ITCH: variants seen among roughly 807,000 people sequenced by gnomAD.
ITCH encodes the protein itchy E3 ubiquitin protein ligase.
Under a neutral mutation model 126.8 loss-of-function variants are expected in ITCH, and 28 were observed. That is an observed-to-expected ratio of 0.22 (90% CI 0.16 to 0.30). The LOEUF (loss-of-function observed/expected upper bound fraction) is 0.30. ITCH is among the 10% of genes least tolerant of loss of function. The pLI, the probability that ITCH is intolerant of heterozygous loss-of-function variation, is 1.00. For synonymous variants in ITCH, 342 were observed against 340.0 expected (o/e 1.01, Z -0.06); for missense variants, 631 against 1,032.4 (o/e 0.61, Z 5.33).
intron 9 of ITCH, among the ~76,000 whole-genome samples, chr20:34,441,213 A>G (rs1364638642): frequency 6.6e-6 from 1 of 152,094 alleles, no homozygotes; most frequent in Non-Finnish European, 1.5e-5. Context: ...CAGAGGTTGC[A>G]TTGAGCCAAG....
chr20:34,482,337 A>G (rs905770273), intron 20 of ITCH, among the ~76,000 whole-genome samples: 3 of 152,240 alleles, frequency 2.0e-5, no homozygotes, highest in African/African-American at 7.2e-5. Flanking sequence ...CTCATCTGGG[A>G]CAAGGGAAGT....
At chr20:34,488,743 AAG>A (rs890612972) in intron 20 of ITCH, among the ~76,000 whole-genome samples, 4 of 152,136 alleles carry the variant, frequency 2.6e-5, no homozygotes, top group East Asian at 3.8e-4. Context: ...AAGAAAAAAA[AAG>A]AAATTATATG....
chr20:34,409,967 G>A (rs1329527702), intron 4 of ITCH, among the ~76,000 whole-genome samples: 1 of 151,706 alleles, frequency 6.6e-6, no homozygotes, highest in African/African-American at 2.4e-5. Flanking sequence ...GAGTTCAAAG[G>A]TGCAGTTTGA....
chr20:34,375,358 TA>T (rs1279905059), intron 2 of ITCH, among the ~76,000 whole-genome samples: 4 of 149,966 alleles, frequency 2.7e-5, no homozygotes, highest in Non-Finnish European at 5.9e-5. Flanking sequence ...TTTTTTTTTT[TA>T]ATGGAGGTAA....
At chr20:34,443,831 AAG>A (rs1984085853) in intron 10 of ITCH, among the ~76,000 whole-genome samples, 1 of 151,946 alleles carries the variant, frequency 6.6e-6, no homozygotes. Context: ...TAGAAAGAAA[AAG>A]AAATTAGCTG....
intron 12 of ITCH, among the ~76,000 whole-genome samples, chr20:34,450,286 T>C (rs1424510059): frequency 6.6e-6 from 1 of 152,194 alleles, no homozygotes; most frequent in East Asian, 1.9e-4. Context: ...TAATAATTAA[T>C]TCAAAATAAA....
intron 5 of ITCH, 35 bp from the exon 6 acceptor site, chr20:34,413,707 G>A: frequency 3.8e-6 from 6 of 1,587,036 alleles, no homozygotes; most frequent in Non-Finnish European, 5.1e-6. Flanking sequence ...TGGGAAAAAA[G>A]TGACCATTTT....
intron 7 of ITCH, among the ~76,000 whole-genome samples, chr20:34,432,668 T>C (rs1982465653): frequency 6.6e-6 from 1 of 152,164 alleles, no homozygotes; most frequent in South Asian, 2.1e-4. Context: ...AAAACTATTT[T>C]TTAGGGCCAG....
intron 11 of ITCH, among the ~76,000 whole-genome samples, chr20:34,448,125 C>A (rs977648822): frequency 6.6e-6 from 1 of 152,180 alleles, no homozygotes; most frequent in African/African-American, 2.4e-5. Context: ...CGCGGTGGCT[C>A]ACACCTGTAC....
chr20:34,382,398 T>C (rs2038097787), intron 2 of ITCH, among the ~76,000 whole-genome samples: 1 of 152,188 alleles, frequency 6.6e-6, no homozygotes, highest in Admixed American at 6.6e-5. Flanking sequence ...ACTTTCAGTT[T>C]ACTTGATAAT....
chr20:34,419,903 A>C (rs765024727), intron 6 of ITCH, among the ~76,000 whole-genome samples: 1 of 152,182 alleles, frequency 6.6e-6, no homozygotes, highest in Non-Finnish European at 1.5e-5. Flanking sequence ...TTTTATATCA[A>C]AGGACATTTG....
intron 2 of ITCH, among the ~76,000 whole-genome samples, chr20:34,391,289 C>T (rs970846519): frequency 2.6e-5 from 4 of 152,166 alleles, no homozygotes; most frequent in Non-Finnish European, 5.9e-5. Flanking sequence ...AGGTGCCCTC[C>T]TCCTGAATGG....
intron 20 of ITCH, among the ~76,000 whole-genome samples, chr20:34,483,088 C>T (rs2146481119): frequency 6.6e-6 from 1 of 152,278 alleles, no homozygotes; most frequent in Middle Eastern, 3.4e-3. Context: ...CCCTAGAGTG[C>T]ACACAGCGTG....
chr20:34,402,131 G>A, intron 3 of ITCH: 1 of 968,274 alleles, frequency 1.0e-6, no homozygotes. Context: ...TGCAGAAAGG[G>A]CTCTGGAGAG....
At chr20:34,487,122 C>T (rs991253211) in intron 20 of ITCH, among the ~76,000 whole-genome samples, 4 of 150,042 alleles carry the variant, frequency 2.7e-5, no homozygotes, top group Non-Finnish European at 5.9e-5. Flanking sequence ...CGTCATTCTC[C>T]TGCCTCAGCC....
intron 7 of ITCH, among the ~76,000 whole-genome samples, chr20:34,428,003 C>G (rs1981777066): frequency 6.6e-6 from 1 of 152,132 alleles, no homozygotes; most frequent in Admixed American, 6.5e-5. Context: ...TTTTATCTTC[C>G]TAAGTGAATC....
chr20:34,438,236 C>T (rs1351107827), intron 7 of ITCH, among the ~76,000 whole-genome samples: 1 of 152,164 alleles, frequency 6.6e-6, no homozygotes, highest in Non-Finnish European at 1.5e-5. Context: ...TGAATGGCCA[C>T]AAGTGTTCCT....
At chr20:34,395,813 T>A (rs11167234) in intron 3 of ITCH, among the ~76,000 whole-genome samples, 40,837 of 152,090 alleles carry the variant, frequency 0.27, 6,796 homozygotes, top group Admixed American at 0.48. Flanking sequence ...TTTTATTGTA[T>A]GAGTATACGA....
chr20:34,487,121 C>T (rs1455826476), intron 20 of ITCH, among the ~76,000 whole-genome samples: 1 of 150,080 alleles, frequency 6.7e-6, no homozygotes. Flanking sequence ...ACGTCATTCT[C>T]CTGCCTCAGC....
Sources: gnomAD v4.1 joint callset for allele counts (sites outside exome capture counted in the v4.1 genomes callset) on GRCh38, gnomAD v4.1.1 for gene constraint, MANE v1.5 for transcripts, NCBI Gene and HGNC (gene_info 2026-07-23, HGNC 2026-07-21) for gene names.